Variants in PGD observed in about 807,000 individuals in gnomAD.
PGD encodes the protein 6-phosphogluconate dehydrogenase, decarboxylating.
A neutral mutation model predicts 60.4 loss-of-function variants in PGD; 21 were observed. The observed-to-expected ratio is 0.35, with a 90% CI of 0.25 to 0.50. PGD has a LOEUF of 0.50. Among genes scored for constraint, PGD ranks in the 20% least tolerant of loss-of-function variants. The pLI is 0.98. For synonymous variants in PGD, 230 were observed against 235.9 expected (o/e 0.97, Z 0.23); for missense variants, 477 against 613.1 (o/e 0.78, Z 2.34).
chr1:10,399,160 T>C, intron 1 of PGD, 35 bp downstream of exon 1: 1 of 1,606,312 alleles, frequency 6.2e-7, no homozygotes, highest in Non-Finnish European at 8.5e-7. Context: ...CGGCTCGGCC[T>C]CAGCGGGCGG....
Position 10,418,842 on chromosome 1 carries a change from A to T in PGD, c.1126A>T (p.Ile376Leu). ...TTATTTCAGTGTATTCCTAGGAAAG[A>T]TAAAGGATGCATTTGATCGAAACCC... Reference protein sequence around the residue: ...CIIRSVFLGKIKDAFDRNPEL... With the variant: ...CIIRSVFLGKLKDAFDRNPEL... The change falls in exon 11 of 13, where the codon ATA (isoleucine) becomes TTA (leucine). Residue 376 changes from isoleucine (I) to leucine (L), a missense_variant. Ile to Leu is a conservative substitution (Grantham distance 5). Coordinates refer to ENST00000270776, the MANE Select transcript of PGD (RefSeq NM_002631.4). 6.3e-7 allele frequency: 1 copy of T among 1,590,502 alleles called. No homozygotes were observed. Among genetic ancestry groups the T allele is most frequent in the South Asian group, 1.1e-5 (1 of 90,470 alleles).
At chr1:10,414,746 C>T (rs1181304431) in intron 8 of PGD, among the ~76,000 whole-genome samples, 5 of 151,986 alleles carry the variant, frequency 3.3e-5, no homozygotes, top group Non-Finnish European at 5.9e-5. Context: ...GGATGCCTCT[C>T]GTGGTTAATG....
intron 8 of PGD, among the ~76,000 whole-genome samples, chr1:10,413,809 G>T (rs1569988320): frequency 6.6e-6 from 1 of 152,200 alleles, no homozygotes; most frequent in Admixed American, 6.5e-5. Flanking sequence ...GGAGGCTGAG[G>T]CAGGAGAATT....
chr1:10,407,967 A>G (rs1023028039), intron 5 of PGD, 104 bp from the exon 6 acceptor site: 7 of 727,048 alleles, frequency 9.6e-6, no homozygotes, highest in Middle Eastern at 2.4e-4. Context: ...AAAAAAAGAA[A>G]GGAAAAGATA....
chr1:10,416,981 A>G lies in PGD; in HGVS notation c.845-6A>G, dbSNP rs1317075856. 5.0e-6 allele frequency: 8 copies of G among 1,612,834 alleles called. No individual in the cohort carries two copies. The highest frequency in any genetic ancestry group is 6.8e-6 in the Non-Finnish European group (8 of 1,179,126). On this transcript the variant is annotated splice_region_variant and splice_polypyrimidine_tract_variant and intron_variant, in intron 8 of 12. Transcript: ENST00000270776. ...TCTGTTTCCTCTTCCCGATCTCCCC[A>G]TGTAGGAGAAGCTGTCTTTGCTCGG...
intron 1 of PGD, 72 bp downstream of exon 1, chr1:10,399,197 C>A: frequency 1.3e-6 from 2 of 1,550,490 alleles, no homozygotes; most frequent in Non-Finnish European, 8.8e-7. Flanking sequence ...CGAGATCTCC[C>A]TCGTTCTCTC....
Position 10,408,064 on chromosome 1 carries a change from T to C in PGD, c.450-7T>C, listed in dbSNP as rs776650059. ...CATTAACTGAACCACACTGTTTCTTTACACAGGCCCCACATCAAGACCATC... is the reference window on the plus strand; with the variant it reads ...CATTAACTGAACCACACTGTTTCTTCACACAGGCCCCACATCAAGACCATC... On this transcript the variant is annotated splice_polypyrimidine_tract_variant and splice_region_variant and intron_variant, in intron 5 of 12. Coordinates refer to ENST00000270776, the MANE Select transcript of PGD (RefSeq NM_002631.4). The C allele has an allele frequency of 6.3e-6, 10 of 1,583,940 alleles. No individual in the cohort carries two copies. Among genetic ancestry groups the C allele is most frequent in the Middle Eastern group, 3.3e-4 (2 of 6,020 alleles).
At chr1:10,410,515 G>A (rs977021958) in intron 6 of PGD, among the ~76,000 whole-genome samples, 4 of 152,002 alleles carry the variant, frequency 2.6e-5, no homozygotes, top group African/African-American at 7.2e-5. Flanking sequence ...TCCAGGTGGT[G>A]ACAGCCAGGA....
At chr1:10,411,675 A>G in intron 7 of PGD, 123 bp downstream of exon 7, 1 of 1,031,510 alleles carries the variant, frequency 9.7e-7, no homozygotes, top group Non-Finnish European at 1.4e-6. Flanking sequence ...GACTCAGCCT[A>G]ATTTGAGGGA....
Position 10,400,595 on chromosome 1 carries a change from C to T in PGD, c.264+23C>T, listed in dbSNP as rs374655134. 1.6e-4 allele frequency: 252 copies of T among 1,581,128 alleles called. No homozygotes were observed. The African/African-American group carries it at 2.7e-3, about 17-fold the overall frequency. Reference sequence around the variant, plus strand: ...TTGGTGAGGCCAGCTGTGCTCTCAGCTGCTACCACGATAGCAGCTGTTTTT... The same window carrying T: ...TTGGTGAGGCCAGCTGTGCTCTCAGTTGCTACCACGATAGCAGCTGTTTTT... On this transcript the variant is annotated intron_variant, in intron 3 of 12. Transcript: ENST00000270776.
At chr1:10,410,236 A>G (rs981007843) in intron 6 of PGD, among the ~76,000 whole-genome samples, 1 of 152,062 alleles carries the variant, frequency 6.6e-6, no homozygotes, top group South Asian at 2.1e-4. Flanking sequence ...GGATCACCTG[A>G]GGTCAGGAGT....
At chr1:10,404,011 A>G (rs1376807768) in intron 4 of PGD, 150 bp from the exon 5 acceptor site, 1 of 634,652 alleles carries the variant, frequency 1.6e-6, no homozygotes, top group East Asian at 2.8e-5. Context: ...TTATTCCTAG[A>G]TCCTTGGGTC....
chr1:10,407,980 G>GGTTGGTGTCTATGGGTAT (rs368855061), intron 5 of PGD, 91 bp from the exon 6 acceptor site: 20 of 770,648 alleles, frequency 2.6e-5, no homozygotes, highest in East Asian at 2.2e-4. Flanking sequence ...AAAAGATAGG[G>GGTTGGTGTCTATGGGTAT]GTTGGTGTCT....
Position 10,418,830 on chromosome 1 carries a change from T to C in PGD, c.1114T>C (p.Phe372Leu), listed in dbSNP as rs1639640566. The change falls in exon 11 of 13, where the codon TTC becomes CTC. Residue 372 changes from phenylalanine to leucine, a missense_variant. This residue lies in a region of PGD where 431 missense variants were observed against 556.6 expected (regional missense o/e 0.77). Transcript: ENST00000270776. ...TTCCCCCCTTGATTATTTCAGTGTA[T>C]TCCTAGGAAAGATAAAGGATGCATT... is the stretch of plus-strand genomic sequence containing the variant. ...WRGGCIIRSV[F>L]LGKIKDAFDR... 3 of 1,571,446 alleles carry C rather than the reference T, an allele frequency of 1.9e-6. No individual in the cohort carries two copies. The highest frequency in any genetic ancestry group is 2.6e-6 in the Non-Finnish European group (3 of 1,143,072).
rs533736344 is a variant in PGD, at chr1:10,419,306, C to T, written c.1210-111C>T. The T allele has an allele frequency of 5.0e-5, 73 of 1,452,726 alleles. No homozygotes were observed. The Middle Eastern group carries it at 2.4e-3, about 47-fold the overall frequency. 90.0% of individuals were successfully genotyped at this position (1,452,726 alleles called of 1,614,324 possible). A position where few individuals can be genotyped will look rare whatever the true frequency, so the allele number is the denominator to read the frequency against. On this transcript the variant is annotated intron_variant, in intron 11 of 12. Transcript: ENST00000270776. ...TGCTGGGATGACAGGCGTGAGCCAC[C>T]GCGCCTGGCCTAACCATCAGTTTTT... is the stretch of plus-strand genomic sequence containing the variant.
chr1:10,412,026 A>C (rs1270664820), intron 7 of PGD, among the ~76,000 whole-genome samples: 1 of 151,904 alleles, frequency 6.6e-6, no homozygotes, highest in Non-Finnish European at 1.5e-5. Flanking sequence ...ACCTGGATAC[A>C]CACCTCCTCC....
intron 12 of PGD, 32 bp from the exon 13 acceptor site, chr1:10,419,598 T>C (rs1204332317): frequency 6.2e-7 from 1 of 1,614,132 alleles, no homozygotes; most frequent in Non-Finnish European, 8.5e-7. Flanking sequence ...CGCCATGGAC[T>C]GTCCTGACCA....
chr1:10,414,054 C>G (rs1194599510), intron 8 of PGD, among the ~76,000 whole-genome samples: 1 of 152,102 alleles, frequency 6.6e-6, no homozygotes, highest in African/African-American at 2.4e-5. Context: ...AGACTCCATC[C>G]CCTCCAAAAA....
At chr1:10,408,799 G>T (rs1244861458) in intron 6 of PGD, among the ~76,000 whole-genome samples, 2 of 152,132 alleles carry the variant, frequency 1.3e-5, no homozygotes, top group Non-Finnish European at 2.9e-5. Context: ...TGTAGAGACG[G>T]GGTTTCACCA....
Sources: allele counts gnomAD v4.1 joint callset (sites outside exome capture counted in the v4.1 genomes callset), GRCh38; gene constraint gnomAD v4.1.1; regional missense constraint gnomAD v4.1.1; transcripts MANE v1.5; gene names NCBI Gene and HGNC (gene_info 2026-07-23, HGNC 2026-07-21).